ZNF107: variants seen among roughly 807,000 people sequenced by gnomAD.
ZNF107 encodes the protein C2H2 type zinc-finger protein.
Under a neutral mutation model 12.3 loss-of-function variants are expected in ZNF107, and 19 were observed. That is an observed-to-expected ratio of 1.55 (90% confidence interval 1.08 to 2.27). ZNF107 has a LOEUF of 2.27. Among genes scored for constraint, ZNF107 ranks in the 30% most tolerant of loss-of-function variants. The probability of loss-of-function intolerance (pLI) is 0.00; values close to 1 mark genes in which losing one functional copy is unlikely to be tolerated. For synonymous variants in ZNF107, 317 were observed against 330.5 expected (o/e 0.96, Z 0.44); for missense variants, 958 against 979.9 (o/e 0.98, Z 0.30).
chr7:64,677,949 C>T (rs1426808327), intron 1 of ZNF107, among the ~76,000 whole-genome samples: 1 of 150,810 alleles, frequency 6.6e-6, no homozygotes, highest in Non-Finnish European at 1.5e-5. Context: ...AAATAAGAGG[C>T]TTTATTCTCC....
chr7:64,707,395 C>T lies in ZNF107; in HGVS notation c.1298C>T (p.Ala433Val). 1 of 1,613,306 alleles carries T rather than the reference C, an allele frequency of 6.2e-7. No individual in the cohort carries two copies. The highest frequency in any genetic ancestry group is 1.1e-5 in the South Asian group (1 of 91,028). Reference sequence around the variant, plus strand: ...TACAAATGTAAAGAATGTGGCAAAGCTTTTAACCAATCTTCAAACCTTACT... The same window carrying T: ...TACAAATGTAAAGAATGTGGCAAAGTTTTTAACCAATCTTCAAACCTTACT... Reference protein sequence around the residue: ...KPYKCKECGKAFNQSSNLTEH... With the variant: ...KPYKCKECGKVFNQSSNLTEH... The change falls in exon 4 of 4, where the codon GCT becomes GTT. Residue 433 changes from alanine (A) to valine (V), a missense_variant. Transcript: ENST00000620827.
chr7:64,706,564 A>C lies in ZNF107; in HGVS notation c.467A>C (p.Lys156Thr), dbSNP rs1790651193. 1.2e-6 allele frequency: 2 copies of C among 1,606,956 alleles called. No individual in the cohort carries two copies. The highest frequency in any genetic ancestry group is 1.7e-5 in the Admixed American group (1 of 58,292). ...QCNKYVKVFD[K>T]FSNSNRYKRR... ...AATAAATATGTGAAAGTCTTTGATA[A>C]ATTTTCAAATTCAAATAGATATAAG... The change falls in exon 4 of 4, where the codon AAA (lysine) becomes ACA (threonine). Residue 156 changes from lysine (K) to threonine (T), a missense_variant. By Grantham distance (78) the Lys-to-Thr change is moderately conservative. Coordinates refer to ENST00000620827, the MANE Select transcript of ZNF107 (RefSeq NM_001282359.2).
chr7:64,686,470 G>A, intron 1 of ZNF107: 3 of 977,654 alleles, frequency 3.1e-6, no homozygotes, highest in Non-Finnish European at 3.6e-6. Flanking sequence ...TCCCAATTAG[G>A]AGTCCATGCC....
chr7:64,704,629 A>G (rs1238450842), intron 3 of ZNF107, among the ~76,000 whole-genome samples: 1 of 152,088 alleles, frequency 6.6e-6, no homozygotes, highest in Non-Finnish European at 1.5e-5. Context: ...AGTATCTTTG[A>G]TATGTAGGGC....
At position 64,691,921 on chromosome 7, in the gene ZNF107, TG is replaced by T; in HGVS notation, c.189del (p.Trp63Ter). ...ITCLEQKKEP[W>X]NIKRHEMVAK... ...CTGTCTGGAGCAAAAAAAAGAGCCC[TG>T]GAATATAAAAAGACATGAGATGGTA... On this transcript the variant is annotated frameshift_variant, in exon 3 of 4. Coordinates refer to ENST00000620827, the MANE Select transcript of ZNF107 (RefSeq NM_001282359.2). LOFTEE classifies it low-confidence loss of function (END_TRUNC). The T allele has an allele frequency of 6.5e-7, 1 of 1,535,332 alleles. No homozygotes were observed. Among genetic ancestry groups the T allele is most frequent in the African/African-American group, 1.4e-5 (1 of 70,810 alleles).
At chr7:64,670,895 C>G (rs12672100) in intron 1 of ZNF107, among the ~76,000 whole-genome samples, 7,133 of 152,158 alleles carry the variant, frequency 0.047, 448 homozygotes, top group African/African-American at 0.14. Flanking sequence ...AATTTTCAAA[C>G]AGTAGTTTAG....
chr7:64,684,922 G>A (rs1482824069), intron 1 of ZNF107, among the ~76,000 whole-genome samples: 1 of 151,974 alleles, frequency 6.6e-6, no homozygotes, highest in Admixed American at 6.6e-5. Flanking sequence ...ACCCTTCTTT[G>A]GCAAAGGACG....
chr7:64,689,165 C>G (rs1425947816), intron 1 of ZNF107, among the ~76,000 whole-genome samples: 1 of 152,066 alleles, frequency 6.6e-6, no homozygotes, highest in East Asian at 1.9e-4. Flanking sequence ...CTCTATGAGG[C>G]GATCTCTCCT....
At chr7:64,705,702 T>C (rs1357654234) in intron 3 of ZNF107, among the ~76,000 whole-genome samples, 1 of 151,672 alleles carries the variant, frequency 6.6e-6, no homozygotes, top group Non-Finnish European at 1.5e-5. Context: ...CTAGCTTTTT[T>C]TTTTTTTTTT....
intron 1 of ZNF107, among the ~76,000 whole-genome samples, chr7:64,685,106 CCCT>C (rs56941171): frequency 0.047 from 7,112 of 152,194 alleles, 440 homozygotes; most frequent in African/African-American, 0.14. Context: ...ACCGAAAATA[CCCT>C]GACAGGTCGT....
In ZNF107 at chr7:64,706,546, ATG is replaced by A. The variant is rs1790650298; in HGVS notation, c.452_453del (p.Val151GlufsTer4). 1.2e-6 allele frequency: 2 copies of A among 1,609,222 alleles called. No homozygotes were observed. The highest frequency in any genetic ancestry group is 1.7e-4 in the Middle Eastern group (1 of 6,016). On this transcript the variant is annotated frameshift_variant, in exon 4 of 4. Coordinates refer to ENST00000620827, the MANE Select transcript of ZNF107 (RefSeq NM_001282359.2). LOFTEE classifies it low-confidence loss of function (END_TRUNC). Reference sequence around the variant, plus strand: ...AGCAAAATATTCCAGTGTAATAAATATGTGAAAGTCTTTGATAAATTTTCAAA... The same window carrying A: ...AGCAAAATATTCCAGTGTAATAAATATGAAAGTCTTTGATAAATTTTCAAA...
intron 1 of ZNF107, among the ~76,000 whole-genome samples, chr7:64,680,897 G>C: frequency 6.6e-6 from 1 of 152,196 alleles, no homozygotes; most frequent in African/African-American, 2.4e-5. Context: ...CCAATGGCCT[G>C]TAGGGATTTC....
At chr7:64,676,161 T>A (rs778483353) in intron 1 of ZNF107, among the ~76,000 whole-genome samples, 26 of 152,244 alleles carry the variant, frequency 1.7e-4, no homozygotes, top group Non-Finnish European at 2.9e-4. Context: ...CCAGGTTTTT[T>A]AATTTGTATG....
In ZNF107 at chr7:64,697,119, C is replaced by T. The variant is rs537367367; in HGVS notation, c.226+5159C>T. 6.6e-5 allele frequency among the ~76,000 whole-genome samples: 10 copies of T among 152,286 alleles called. No individual in the cohort carries two copies. The East Asian group carries it at 1.9e-3, about 29-fold the overall frequency. ...TGCTGAGAATGATGGTTTCCAGCTT[C>T]ATCCATGTCCCTACAAAGGACATGA... On this transcript the variant is annotated intron_variant, in intron 3 of 3. Transcript: ENST00000620827.
chr7:64,670,650 C>T (rs191531672), intron 1 of ZNF107, among the ~76,000 whole-genome samples: 55 of 152,328 alleles, frequency 3.6e-4, no homozygotes, highest in Admixed American at 1.3e-3. Context: ...TTTTCATAAA[C>T]TGTTCCTGGA....
chr7:64,686,306 A>T (rs893782031), intron 1 of ZNF107, among the ~76,000 whole-genome samples: 5 of 151,904 alleles, frequency 3.3e-5, no homozygotes, highest in African/African-American at 9.7e-5. Context: ...TGGGCCCCTC[A>T]TTTCCATCAT....
rs1261329244 is a variant in ZNF107 at position 64,707,089 on chromosome 7, A to T, written c.992A>T (p.His331Leu). ...AACCTATTCTCAAATCTTACTAACCATAAGAGAATTCATGCTGGGGAGAAA... is the reference window on the plus strand; with the variant it reads ...AACCTATTCTCAAATCTTACTAACCTTAAGAGAATTCATGCTGGGGAGAAA... ...AFNLFSNLTN[H>L]KRIHAGEKPY... The change falls in exon 4 of 4, where the codon CAT (histidine) becomes CTT (leucine). Residue 331 changes from histidine (H) to leucine (L), a missense_variant. Transcript: ENST00000620827. 2 of 1,612,520 alleles carry T rather than the reference A, an allele frequency of 1.2e-6. No homozygotes were observed. The highest frequency in any genetic ancestry group is 1.7e-6 in the Non-Finnish European group (2 of 1,179,478).
Position 64,710,559 on chromosome 7 carries a change from ATAAT to A in ZNF107, c.*1904_*1907del, listed in dbSNP as rs1175583622. On this transcript the variant is annotated 3_prime_UTR_variant, in exon 4 of 4. Transcript: ENST00000620827. Reference sequence around the variant, plus strand: ...ATTTAAAACTAAAGTTGGTAGGTAAATAATGTGTATATAACTTTAAAAGAAGTAG... The same window carrying A: ...ATTTAAAACTAAAGTTGGTAGGTAAAGTGTATATAACTTTAAAAGAAGTAG... The A allele has an allele frequency of 6.6e-6, 1 of 152,138 alleles. No individual in the cohort carries two copies. The highest frequency in any genetic ancestry group is 1.5e-5 in the Non-Finnish European group (1 of 68,018). 9.4% of individuals were successfully genotyped at this position (152,138 alleles called of 1,614,324 possible).
Position 64,691,314 on chromosome 7 carries a change from GCACAGCGGGATT to G in ZNF107, c.71_82del (p.Ala24_Leu28delinsVal). On this transcript the variant is annotated inframe_deletion, in exon 2 of 4. Coordinates refer to ENST00000620827, the MANE Select transcript of ZNF107 (RefSeq NM_001282359.2). ...GGAGGAGTGGCAATGCCTGGATACT[GCACAGCGGGATT>G]TATATAGGAATGTGTTGTTAGAGAA... 6.5e-7 allele frequency: 1 copy of G among 1,546,798 alleles called. No homozygotes were observed. Among genetic ancestry groups the G allele is most frequent in the Non-Finnish European group, 8.7e-7 (1 of 1,148,826 alleles).
Sources: allele counts gnomAD v4.1 joint callset (sites outside exome capture counted in the v4.1 genomes callset), GRCh38; gene constraint gnomAD v4.1.1; transcripts MANE v1.5; gene names NCBI Gene and HGNC (gene_info 2026-07-23, HGNC 2026-07-21).